MSI2: variants seen among roughly 807,000 people sequenced by gnomAD.
MSI2 encodes the protein musashi RNA binding protein 2.
In MSI2, 17 loss-of-function variants were observed where a neutral mutation model predicts 45.6. The ratio of observed to expected loss-of-function variants is 0.37; its 90% CI spans 0.26 to 0.56. MSI2 has a LOEUF of 0.56. Ranked by LOEUF, MSI2 falls within the 20% of genes least tolerant of loss-of-function variation. MSI2 has a pLI of 0.77. For missense variants in MSI2, 293 were observed against 444.2 expected, an observed-to-expected ratio of 0.66 and a Z score of 3.06; for synonymous variants, 156 against 158.2, an observed-to-expected ratio of 0.99 and a Z score of 0.11.
At chr17:57,320,641 T>A in intron 5 of MSI2, among the ~76,000 whole-genome samples, 1 of 152,196 alleles carries the variant, frequency 6.6e-6, no homozygotes. Flanking sequence ...CCAAAGGGGA[T>A]GAATAATTCT....
intron 5 of MSI2, among the ~76,000 whole-genome samples, chr17:57,358,200 G>GTGTGTGTGTGTGTGTGTGTGT (rs1567778446): frequency 2.4e-5 from 1 of 41,898 alleles, no homozygotes; most frequent in Non-Finnish European, 4.6e-5. Context: ...TGTGTGTGTG[G>GTGTGTGTGTGTGTGTGTGTGT]GGGGGTGTGT....
intron 7 of MSI2, among the ~76,000 whole-genome samples, chr17:57,557,554 C>T (rs540319753): frequency 6.6e-6 from 1 of 152,244 alleles, no homozygotes; most frequent in Non-Finnish European, 1.5e-5. Context: ...CCAGGGAGAA[C>T]CCTGCCTTGA....
chr17:57,641,402 C>T (rs1411435685), intron 10 of MSI2, among the ~76,000 whole-genome samples: 2 of 152,076 alleles, frequency 1.3e-5, no homozygotes, highest in African/African-American at 2.4e-5. Flanking sequence ...GCCCACGTGA[C>T]ATGAAGCTGG....
intron 7 of MSI2, among the ~76,000 whole-genome samples, chr17:57,541,108 A>G (rs1353392760): frequency 6.6e-6 from 1 of 151,984 alleles, no homozygotes; most frequent in African/African-American, 2.4e-5. Flanking sequence ...TAATTTGCCA[A>G]AGACCTTGAA....
At chr17:57,535,725 G>C (rs2144095957) in intron 7 of MSI2, among the ~76,000 whole-genome samples, 1 of 152,346 alleles carries the variant, frequency 6.6e-6, no homozygotes, top group East Asian at 1.9e-4. Context: ...CAGTTCCTGG[G>C]CTGGAAAGGT....
At chr17:57,617,944 G>A (rs1468087260) in intron 9 of MSI2, among the ~76,000 whole-genome samples, 1 of 152,056 alleles carries the variant, frequency 6.6e-6, no homozygotes, top group African/African-American at 2.4e-5. Flanking sequence ...TGCAGCACGT[G>A]CCCGTAATCC....
At chr17:57,475,462 GT>G (rs1194557055) in intron 6 of MSI2, among the ~76,000 whole-genome samples, 6 of 152,114 alleles carry the variant, frequency 3.9e-5, no homozygotes, top group Non-Finnish European at 8.8e-5. Flanking sequence ...GTAGTGTACT[GT>G]CCTGTCATCT....
intron 7 of MSI2, among the ~76,000 whole-genome samples, chr17:57,573,913 C>T (rs1400089987): frequency 2.0e-5 from 3 of 152,192 alleles, no homozygotes; most frequent in Admixed American, 1.3e-4. Flanking sequence ...GATTAGATAT[C>T]ATCATATGAA....
intron 5 of MSI2, chr17:57,285,807 C>T: frequency 4.4e-6 from 6 of 1,376,634 alleles, no homozygotes; most frequent in Non-Finnish European, 5.6e-6. Context: ...TTTCTTTTCT[C>T]CTTGCCCGTC....
chr17:57,507,175 T>TGG (rs71140000), intron 6 of MSI2, among the ~76,000 whole-genome samples: 2 of 135,798 alleles, frequency 1.5e-5, no homozygotes, highest in South Asian at 2.5e-4. Context: ...CTGTGTGTGT[T>TGG]GGGGGGGGGG....
intron 6 of MSI2, among the ~76,000 whole-genome samples, chr17:57,475,019 C>G (rs181183121): frequency 6.6e-6 from 1 of 152,246 alleles, no homozygotes; most frequent in Admixed American, 6.5e-5. Flanking sequence ...ACCGCACGCA[C>G]CCAGCCTCTC....
chr17:57,415,931 C>CTT (rs2084286443), intron 6 of MSI2, among the ~76,000 whole-genome samples: 1 of 152,064 alleles, frequency 6.6e-6, no homozygotes, highest in Admixed American at 6.6e-5. Flanking sequence ...GAGGATTTGG[C>CTT]TTTTTTTCCT....
intron 5 of MSI2, among the ~76,000 whole-genome samples, chr17:57,401,037 G>T (rs889093545): frequency 6.6e-6 from 1 of 152,162 alleles, no homozygotes; most frequent in Non-Finnish European, 1.5e-5. Flanking sequence ...ATGCATTTGG[G>T]TCTGTTTTGT....
At chr17:57,306,296 C>A (rs572628521) in intron 5 of MSI2, among the ~76,000 whole-genome samples, 1 of 152,198 alleles carries the variant, frequency 6.6e-6, no homozygotes, top group South Asian at 2.1e-4. Context: ...GAGAAGATCC[C>A]TTCCTTCCTA....
chr17:57,546,081 G>A (rs141181645), intron 7 of MSI2, among the ~76,000 whole-genome samples: 147 of 152,296 alleles, frequency 9.7e-4, no homozygotes, highest in Non-Finnish European at 1.6e-3. Context: ...TGGAGATTCC[G>A]GGGCGATTAT....
chr17:57,439,954 G>T (rs868361722), intron 6 of MSI2, among the ~76,000 whole-genome samples: 2 of 152,020 alleles, frequency 1.3e-5, no homozygotes, highest in Admixed American at 1.3e-4. Context: ...GGATAAGAGG[G>T]GGGGTCTGTT....
intron 5 of MSI2, among the ~76,000 whole-genome samples, chr17:57,375,791 T>C (rs2083485351): frequency 6.6e-6 from 1 of 152,042 alleles, no homozygotes; most frequent in Non-Finnish European, 1.5e-5. Context: ...GAGATAAATT[T>C]AGAGATAAAG....
rs1916361482 is a variant in MSI2, at chr17:57,355,702, A to G, written c.313-45677A>G. Among the ~76,000 whole-genome samples, 4 of 152,186 alleles carry G rather than the reference A, an allele frequency of 2.6e-5. No individual in the cohort carries two copies. In the South Asian group the frequency reaches 6.2e-4, roughly 24 times the overall value. On this transcript the variant is annotated intron_variant, in intron 5 of 13. Transcript: ENST00000284073. ...TCTGGCAATGCTATTTTGAGAGGCC[A>G]TGGGGGCAGGCAGGGCCTGGCGGGT...
At chr17:57,307,230 A>C (rs1911996430) in intron 5 of MSI2, among the ~76,000 whole-genome samples, 1 of 152,152 alleles carries the variant, frequency 6.6e-6, no homozygotes, top group African/African-American at 2.4e-5. Context: ...CTGTGAAAGT[A>C]TTTGTGGATG....
Sources: gnomAD v4.1 joint callset for allele counts (sites outside exome capture counted in the v4.1 genomes callset) on GRCh38, gnomAD v4.1.1 for gene constraint, MANE v1.5 for transcripts, NCBI Gene and HGNC (gene_info 2026-07-23, HGNC 2026-07-21) for gene names.